CNTN5: variants seen among roughly 807,000 people sequenced by gnomAD.
CNTN5 encodes the protein contactin-5.
Under a neutral mutation model 129.1 loss-of-function variants are expected in CNTN5, and 77 were observed. That is an observed-to-expected ratio of 0.60 (90% CI 0.50 to 0.72). The LOEUF (loss-of-function observed/expected upper bound fraction) is 0.72, where lower values mean the gene tolerates loss of function less well. Ranked by LOEUF, CNTN5 falls within the 30% of genes least tolerant of loss-of-function variation. CNTN5 has a pLI of 0.00. For missense variants in CNTN5, 1,478 were observed against 1,328.8 expected (o/e 1.11, Z -1.75); for synonymous variants, 509 against 465.6 (o/e 1.09, Z -1.20).
intron 1 of CNTN5, among the ~76,000 whole-genome samples, chr11:99,269,059 C>G (rs1439553713): frequency 2.6e-5 from 4 of 151,864 alleles, no homozygotes; most frequent in African/African-American, 4.8e-5. Context: ...GATAGATTTC[C>G]TCTGTTTTAT....
intron 1 of CNTN5, among the ~76,000 whole-genome samples, chr11:99,046,255 G>T (rs548924863): frequency 6.6e-6 from 1 of 152,058 alleles, no homozygotes; most frequent in Admixed American, 6.6e-5. Flanking sequence ...CCTGAGAATC[G>T]CTTGAACCCA....
intron 3 of CNTN5, among the ~76,000 whole-genome samples, chr11:99,760,732 T>C (rs1177728183): frequency 6.6e-6 from 1 of 152,136 alleles, no homozygotes; most frequent in Non-Finnish European, 1.5e-5. Context: ...GTTTACTTTA[T>C]GTTATACTGT....
At chr11:100,099,921 T>C (rs777949118) in intron 13 of CNTN5, among the ~76,000 whole-genome samples, 1 of 152,138 alleles carries the variant, frequency 6.6e-6, no homozygotes, top group Non-Finnish European at 1.5e-5. Flanking sequence ...CTTTAAGTCA[T>C]TGTTTCTGTT....
chr11:99,170,296 C>T lies in CNTN5; in HGVS notation c.-210+149026C>T, dbSNP rs528285034. Among the ~76,000 whole-genome samples the T allele has an allele frequency of 5.9e-5, 9 of 152,172 alleles. No homozygotes were observed. In the South Asian group the frequency reaches 1.9e-3, roughly 32 times the overall value. Reference sequence around the variant, plus strand: ...AGGCTCAGAGAGCTTAAGTATCTTTCCCAAGGACGCACAGGTTAATATACA... The same window carrying T: ...AGGCTCAGAGAGCTTAAGTATCTTTTCCAAGGACGCACAGGTTAATATACA... On this transcript the variant is annotated intron_variant, in intron 1 of 24. Transcript: ENST00000524871.
At chr11:99,313,428 C>T (rs1485605240) in intron 1 of CNTN5, among the ~76,000 whole-genome samples, 1 of 151,974 alleles carries the variant, frequency 6.6e-6, no homozygotes, top group Non-Finnish European at 1.5e-5. Context: ...CTAACTTATT[C>T]TAGACTTAAG....
At chr11:100,211,385 TATGAAGAACGATGTCAA>T (rs1304719143) in intron 15 of CNTN5, among the ~76,000 whole-genome samples, 1 of 151,964 alleles carries the variant, frequency 6.6e-6, no homozygotes, top group Non-Finnish European at 1.5e-5. Context: ...TAAAATAATG[TATGAAGAACGATGTCAA>T]ATGAAGACCA....
At chr11:99,339,508 A>G (rs909273987) in intron 2 of CNTN5, among the ~76,000 whole-genome samples, 1 of 152,142 alleles carries the variant, frequency 6.6e-6, no homozygotes, top group African/African-American at 2.4e-5. Flanking sequence ...GGCCAGGCTC[A>G]GTGGCTCACA....
intron 2 of CNTN5, among the ~76,000 whole-genome samples, chr11:99,325,984 G>A (rs1865773055): frequency 6.6e-6 from 1 of 152,124 alleles, no homozygotes; most frequent in Non-Finnish European, 1.5e-5. Flanking sequence ...CAGGGAACGG[G>A]GATCTTCTGA....
intron 8 of CNTN5, among the ~76,000 whole-genome samples, chr11:99,998,499 T>C (rs1369721061): frequency 7.5e-6 from 1 of 133,522 alleles, no homozygotes; most frequent in Non-Finnish European, 1.6e-5. Flanking sequence ...CTCAATGAAA[T>C]AAAAGAGGAT....
intron 2 of CNTN5, among the ~76,000 whole-genome samples, chr11:99,384,905 C>G (rs193272932): frequency 6.6e-6 from 1 of 152,026 alleles, no homozygotes; most frequent in African/African-American, 2.4e-5. Context: ...AAAGTCTACC[C>G]CCCTAACACT....
chr11:100,000,412 C>A (rs1023417394), intron 8 of CNTN5, among the ~76,000 whole-genome samples: 44 of 152,366 alleles, frequency 2.9e-4, no homozygotes, highest in African/African-American at 1.0e-3. Context: ...GTCTCCTTGA[C>A]TCCATGTCTC....
At chr11:99,729,250 A>T (rs546127880) in intron 3 of CNTN5, among the ~76,000 whole-genome samples, 3 of 152,164 alleles carry the variant, frequency 2.0e-5, no homozygotes, top group Non-Finnish European at 2.9e-5. Flanking sequence ...CAGAGAAGGC[A>T]TAGATATTGG....
intron 6 of CNTN5, among the ~76,000 whole-genome samples, chr11:99,850,463 T>C (rs907173461): frequency 3.3e-5 from 5 of 152,142 alleles, no homozygotes; most frequent in Admixed American, 3.3e-4. Context: ...TTTGGAAAAA[T>C]TAAGCAAGTA....
At chr11:100,229,552 A>C (rs1949448707) in intron 16 of CNTN5, among the ~76,000 whole-genome samples, 1 of 152,190 alleles carries the variant, frequency 6.6e-6, no homozygotes, top group African/African-American at 2.4e-5. Flanking sequence ...CAAGAGAGAA[A>C]AGTTTGACTT....
chr11:100,200,631 C>T (rs539990723), intron 15 of CNTN5, among the ~76,000 whole-genome samples: 26 of 151,730 alleles, frequency 1.7e-4, no homozygotes, highest in African/African-American at 2.7e-4. Context: ...CAATTTTTGT[C>T]GGGGGCATGC....
intron 3 of CNTN5, among the ~76,000 whole-genome samples, chr11:99,589,738 A>G (rs1275539741): frequency 2.0e-5 from 3 of 152,218 alleles, no homozygotes; most frequent in Non-Finnish European, 4.4e-5. Context: ...GTTAATGGCT[A>G]TTATCAGTCA....
At chr11:99,811,806 ATAACTT>A (rs1946436727) in intron 3 of CNTN5, among the ~76,000 whole-genome samples, 1 of 152,076 alleles carries the variant, frequency 6.6e-6, no homozygotes, top group Non-Finnish European at 1.5e-5. Context: ...CACTTTAGAA[ATAACTT>A]TAACACATGC....
chr11:100,148,491 T>A (rs1946932664), intron 13 of CNTN5, among the ~76,000 whole-genome samples: 1 of 152,022 alleles, frequency 6.6e-6, no homozygotes, highest in Non-Finnish European at 1.5e-5. Flanking sequence ...TGCAGGGCAC[T>A]CACTGTTCAA....
At chr11:100,320,735 A>G (rs1427472979) in intron 21 of CNTN5, among the ~76,000 whole-genome samples, 1 of 152,102 alleles carries the variant, frequency 6.6e-6, no homozygotes, top group Non-Finnish European at 1.5e-5. Flanking sequence ...ATTTTTTTAC[A>G]TGGTGGAAGC....
Sources: allele counts gnomAD v4.1 joint callset (sites outside exome capture counted in the v4.1 genomes callset), GRCh38; gene constraint gnomAD v4.1.1; transcripts MANE v1.5; gene names NCBI Gene and HGNC (gene_info 2026-07-23, HGNC 2026-07-21).